PTPRD: variants seen among roughly 807,000 people sequenced by gnomAD.
The protein encoded by PTPRD is protein tyrosine phosphatase receptor type D, also known as receptor-type tyrosine-protein phosphatase delta.
Under a neutral mutation model 214.5 loss-of-function variants are expected in PTPRD, and 34 were observed. The observed-to-expected ratio is 0.16, with a 90% CI of 0.12 to 0.21. PTPRD has a LOEUF of 0.21. Ranked by LOEUF, PTPRD falls within the 10% of genes least tolerant of loss-of-function variation. The pLI is 1.00. For missense variants in PTPRD, 2,545 were observed against 2,398.7 expected, an observed-to-expected ratio of 1.06 and a Z score of -1.27; for synonymous variants, 1,128 against 845.7, an observed-to-expected ratio of 1.33 and a Z score of -5.79.
intron 2 of PTPRD, among the ~76,000 whole-genome samples, chr9:10,448,845 A>T (rs1703047281): frequency 6.6e-6 from 1 of 151,974 alleles, no homozygotes; most frequent in African/African-American, 2.4e-5. Flanking sequence ...CCAAATAGAG[A>T]AGGGATCCAC....
chr9:9,288,715 G>A (rs1444419383), intron 9 of PTPRD, among the ~76,000 whole-genome samples: 1 of 151,838 alleles, frequency 6.6e-6, no homozygotes, highest in African/African-American at 2.4e-5. Flanking sequence ...GTTTGGCTGT[G>A]TCCCCACCCA....
intron 7 of PTPRD, among the ~76,000 whole-genome samples, chr9:9,669,030 G>T (rs1325849097): frequency 2.0e-5 from 3 of 151,988 alleles, no homozygotes; most frequent in Non-Finnish European, 4.4e-5. Flanking sequence ...GGCAACAAAG[G>T]GTAATTTTTT....
chr9:10,270,837 A>G (rs1266237973), intron 3 of PTPRD, among the ~76,000 whole-genome samples: 1 of 150,198 alleles, frequency 6.7e-6, no homozygotes, highest in African/African-American at 2.5e-5. Context: ...CTTTGTCATA[A>G]TATTTTATTT....
At chr9:10,329,871 T>C (rs916745116) in intron 3 of PTPRD, among the ~76,000 whole-genome samples, 3 of 151,852 alleles carry the variant, frequency 2.0e-5, no homozygotes, top group African/African-American at 7.2e-5. Context: ...GCGCATGGCA[T>C]AGTCTGTCAT....
chr9:10,583,865 G>T (rs757209187), intron 2 of PTPRD, among the ~76,000 whole-genome samples: 2 of 152,070 alleles, frequency 1.3e-5, no homozygotes, highest in Non-Finnish European at 2.9e-5. Flanking sequence ...TGTCAGAAGC[G>T]CATTAAATAA....
At chr9:8,365,863 C>G (rs774249793) in intron 39 of PTPRD, among the ~76,000 whole-genome samples, 1 of 152,152 alleles carries the variant, frequency 6.6e-6, no homozygotes, top group Non-Finnish European at 1.5e-5. Flanking sequence ...GCCCTTCAAG[C>G]TGACTGAGAA....
At chr9:9,333,444 T>C (rs1161723605) in intron 9 of PTPRD, among the ~76,000 whole-genome samples, 1 of 148,070 alleles carries the variant, frequency 6.8e-6, no homozygotes, top group East Asian at 2.0e-4. Flanking sequence ...GCTCTCTATA[T>C]GGGCTACTTG....
rs550657068 is a variant in PTPRD, at chr9:9,200,334, T to A, written c.-202-16971A>T. 8.3e-4 allele frequency among the ~76,000 whole-genome samples: 127 copies of A among 152,350 alleles called. 1 individual carries two copies. The highest frequency in any genetic ancestry group is 7.4e-3 in the Admixed American group (113 of 15,306). On this transcript the variant is annotated intron_variant, in intron 9 of 45. Transcript: ENST00000381196. Reference sequence around the variant, plus strand: ...TTCATTTAACCCAATTTGAATGTGATCTGTTTTATTTCTAACATCTTCTTA... The same window carrying A: ...TTCATTTAACCCAATTTGAATGTGAACTGTTTTATTTCTAACATCTTCTTA...
At chr9:9,969,416 G>A (rs1444310458) in intron 4 of PTPRD, among the ~76,000 whole-genome samples, 1 of 152,094 alleles carries the variant, frequency 6.6e-6, no homozygotes, top group Non-Finnish European at 1.5e-5. Context: ...AGGAGATAGA[G>A]GGTACTGTAG....
intron 11 of PTPRD, among the ~76,000 whole-genome samples, chr9:8,918,165 C>T (rs886583217): frequency 1.3e-5 from 2 of 152,156 alleles, no homozygotes; most frequent in African/African-American, 4.8e-5. Context: ...TTATTTCCTC[C>T]ATGCTCAATC....
rs182806982 is a variant in PTPRD, at chr9:8,484,597, T to C, written c.3154-219A>G. Among the ~76,000 whole-genome samples the C allele has an allele frequency of 2.1e-3, 317 of 151,860 alleles. 4 individuals are homozygous for C. The South Asian group carries it at 0.031, about 15-fold the overall frequency. ...AAAATGTTTCCAAGTCTATCAAAAA[T>C]ACACAAAGATAGATATATACATATA... On this transcript the variant is annotated intron_variant, in intron 29 of 45. Coordinates refer to ENST00000381196, the MANE Select transcript of PTPRD (RefSeq NM_002839.4).
At chr9:9,766,174 C>G (rs771062063) in intron 6 of PTPRD, among the ~76,000 whole-genome samples, 104 of 152,254 alleles carry the variant, frequency 6.8e-4, no homozygotes, top group Non-Finnish European at 1.2e-3. Flanking sequence ...TTCTTTTCAA[C>G]TCTCTTTTAT....
chr9:9,936,276 T>A (rs1285266381), intron 5 of PTPRD, among the ~76,000 whole-genome samples: 1 of 150,862 alleles, frequency 6.6e-6, no homozygotes, highest in Non-Finnish European at 1.5e-5. Context: ...GAAACTACCA[T>A]CAGAGTGAAC....
At chr9:10,322,731 A>T (rs1257478533) in intron 3 of PTPRD, among the ~76,000 whole-genome samples, 1 of 152,040 alleles carries the variant, frequency 6.6e-6, no homozygotes, top group African/African-American at 2.4e-5. Context: ...TTGGTTTTGT[A>T]TCTGAGAGTT....
At chr9:10,361,617 G>T (rs2154470866) in intron 2 of PTPRD, among the ~76,000 whole-genome samples, 1 of 152,208 alleles carries the variant, frequency 6.6e-6, no homozygotes, top group South Asian at 2.1e-4. Flanking sequence ...TGAATTAATT[G>T]ATACCCATTT....
intron 9 of PTPRD, among the ~76,000 whole-genome samples, chr9:9,277,660 AT>A (rs1377335200): frequency 6.6e-6 from 1 of 151,352 alleles, no homozygotes; most frequent in Non-Finnish European, 1.5e-5. Context: ...ATGGGTAGTA[AT>A]GAAAGTTTCC....
chr9:8,922,794 G>A (rs558358189), intron 11 of PTPRD, among the ~76,000 whole-genome samples: 121 of 150,622 alleles, frequency 8.0e-4, no homozygotes, highest in Non-Finnish European at 1.4e-3. Flanking sequence ...CTACAGGCGT[G>A]TGCCATCACG....
chr9:8,867,664 CA>C (rs1265768311), intron 11 of PTPRD, among the ~76,000 whole-genome samples: 1 of 152,204 alleles, frequency 6.6e-6, no homozygotes, highest in Non-Finnish European at 1.5e-5. Flanking sequence ...GAAATTAGAG[CA>C]AATGCTGAAA....
intron 8 of PTPRD, among the ~76,000 whole-genome samples, chr9:9,466,086 T>A (rs1217467793): frequency 1.3e-5 from 2 of 152,068 alleles, no homozygotes; most frequent in Non-Finnish European, 2.9e-5. Context: ...GATGAATGGA[T>A]CTCTTGATCC....
Sources: allele counts gnomAD v4.1 joint callset (sites outside exome capture counted in the v4.1 genomes callset), GRCh38; gene constraint gnomAD v4.1.1; transcripts MANE v1.5; gene names NCBI Gene and HGNC (gene_info 2026-07-23, HGNC 2026-07-21).